Variants in EDIL3 observed in about 807,000 individuals in gnomAD.
EDIL3 encodes EGF like and discoidin domains 3.
Under a neutral mutation model 67.4 loss-of-function variants are expected in EDIL3, and 37 were observed. The observed-to-expected ratio is 0.55, with a 90% CI of 0.42 to 0.72. The LOEUF (loss-of-function observed/expected upper bound fraction) is 0.72, where lower values mean the gene tolerates loss of function less well. Among genes scored for constraint, EDIL3 ranks in the 30% least tolerant of loss-of-function variants. The pLI is 0.00. For missense variants in EDIL3, 527 were observed against 586.3 expected (o/e 0.90, Z 1.04); for synonymous variants, 195 against 196.3 (o/e 0.99, Z 0.05).
At chr5:84,261,360 A>G in intron 1 of EDIL3, among the ~76,000 whole-genome samples, 1 of 152,186 alleles carries the variant, frequency 6.6e-6, no homozygotes, top group East Asian at 1.9e-4. Context: ...GTGCCTCTTT[A>G]GAGACCATTT....
intron 9 of EDIL3, among the ~76,000 whole-genome samples, chr5:84,010,525 T>A (rs550295197): frequency 4.6e-5 from 7 of 152,294 alleles, no homozygotes; most frequent in East Asian, 3.9e-4. Flanking sequence ...TCCAATTTTT[T>A]AATATTTAGT....
chr5:84,224,905 G>T (rs911765490), intron 3 of EDIL3, among the ~76,000 whole-genome samples: 3 of 151,280 alleles, frequency 2.0e-5, no homozygotes, highest in Non-Finnish European at 3.0e-5. Flanking sequence ...TTCATTTTGG[G>T]GTACAGTATC....
intron 1 of EDIL3, among the ~76,000 whole-genome samples, chr5:84,258,224 A>G (rs1745157828): frequency 6.6e-6 from 1 of 152,216 alleles, no homozygotes; most frequent in African/African-American, 2.4e-5. Flanking sequence ...AGAGCGTAAC[A>G]AGTTTATTGA....
intron 1 of EDIL3, among the ~76,000 whole-genome samples, chr5:84,339,604 T>TAAGA (rs1554043164): frequency 6.6e-6 from 1 of 151,422 alleles, no homozygotes; most frequent in Non-Finnish European, 1.5e-5. Context: ...TAAAATACTG[T>TAAGA]GTTTTTTTTT....
At chr5:84,361,103 G>C (rs192236460) in intron 1 of EDIL3, among the ~76,000 whole-genome samples, 1 of 151,840 alleles carries the variant, frequency 6.6e-6, no homozygotes, top group Non-Finnish European at 1.5e-5. Flanking sequence ...GCAAGTGAGC[G>C]TTAATAAAAA....
chr5:84,192,961 T>C (rs1488952188), intron 3 of EDIL3, among the ~76,000 whole-genome samples: 1 of 151,868 alleles, frequency 6.6e-6, no homozygotes, highest in Non-Finnish European at 1.5e-5. Context: ...AATGAGTATT[T>C]CATTTGTAGG....
intron 10 of EDIL3, among the ~76,000 whole-genome samples, chr5:83,946,469 T>C (rs1177835483): frequency 6.6e-6 from 1 of 151,888 alleles, no homozygotes; most frequent in Non-Finnish European, 1.5e-5. Flanking sequence ...TACAACTCCC[T>C]CAATGTAGCT....
At position 84,384,329 on chromosome 5, in the gene EDIL3, C is replaced by T; in HGVS notation, c.46G>A (p.Gly16Ser). The T allele has an allele frequency of 6.2e-7, 1 of 1,611,812 alleles. No homozygotes were observed. Among genetic ancestry groups the T allele is most frequent in the Non-Finnish European group, 8.5e-7 (1 of 1,179,084 alleles). Residue 16 changes from glycine to serine, a missense_variant, in exon 1 of 11, where the codon GGT becomes AGT. Around this residue, in one of 2 missense-constraint regions of EDIL3, gnomAD observed 494 missense variants for 522.5 expected, o/e 0.95. Coordinates refer to ENST00000296591, the MANE Select transcript of EDIL3 (RefSeq NM_005711.5). ...AVWLLVGLSL[G>S]VPQFGKGDIC... is the part of the protein sequence containing the mutation. ...TTACCTTTGCCGAACTGGGGGACAC[C>T]GAGGCTGAGCCCGACCAAGAGCCAG...
chr5:84,338,735 T>A (rs892986326), intron 1 of EDIL3, among the ~76,000 whole-genome samples: 2 of 152,144 alleles, frequency 1.3e-5, no homozygotes. Context: ...CATCATACAA[T>A]CCACTGAAAC....
intron 5 of EDIL3, among the ~76,000 whole-genome samples, chr5:84,136,109 C>T (rs902733705): frequency 1.3e-5 from 2 of 152,084 alleles, no homozygotes; most frequent in African/African-American, 4.8e-5. Flanking sequence ...CATGTATATT[C>T]ATGTTTATAT....
chr5:84,277,897 T>C (rs923246645), intron 1 of EDIL3, among the ~76,000 whole-genome samples: 3 of 152,176 alleles, frequency 2.0e-5, no homozygotes, highest in Non-Finnish European at 4.4e-5. Context: ...GAAGGTCCTT[T>C]TACCGTAGTA....
chr5:84,217,770 C>T (rs1561224831), intron 3 of EDIL3, among the ~76,000 whole-genome samples: 1 of 133,538 alleles, frequency 7.5e-6, no homozygotes, highest in Non-Finnish European at 1.7e-5. Context: ...ACACATCCTT[C>T]TGGTTCTGTT....
intron 1 of EDIL3, among the ~76,000 whole-genome samples, chr5:84,255,239 A>G (rs1745103725): frequency 2.0e-5 from 3 of 152,224 alleles, no homozygotes; most frequent in East Asian, 3.8e-4. Context: ...AATGCCAGAA[A>G]GACATGGCCC....
intron 9 of EDIL3, among the ~76,000 whole-genome samples, chr5:83,975,435 TA>T (rs1198280952): frequency 6.6e-6 from 1 of 151,958 alleles, no homozygotes; most frequent in African/African-American, 2.4e-5. Flanking sequence ...ATATTAAACT[TA>T]TTTTTTTGCA....
chr5:83,946,682 G>A (rs1744317488), intron 10 of EDIL3, among the ~76,000 whole-genome samples: 1 of 151,856 alleles, frequency 6.6e-6, no homozygotes, highest in Non-Finnish European at 1.5e-5. Flanking sequence ...ATTCAGGCCG[G>A]TATAGACATC....
chr5:84,046,884 G>A (rs547755278), intron 9 of EDIL3, among the ~76,000 whole-genome samples: 5 of 152,076 alleles, frequency 3.3e-5, no homozygotes, highest in Non-Finnish European at 1.5e-5. Context: ...GTTTTTCAAT[G>A]GTTTCAATAC....
chr5:84,327,332 T>A (rs1324194112), intron 1 of EDIL3, among the ~76,000 whole-genome samples: 1 of 151,932 alleles, frequency 6.6e-6, no homozygotes, highest in Non-Finnish European at 1.5e-5. Context: ...TAAAAAAAAA[T>A]TTGATTGGTA....
chr5:84,319,192 G>A (rs1580075538), intron 1 of EDIL3, among the ~76,000 whole-genome samples: 1 of 55,544 alleles, frequency 1.8e-5, no homozygotes, highest in Admixed American at 1.5e-4. Context: ...GGAATGCTTG[G>A]CCGGGCGCGG....
chr5:84,319,108 A>C (rs1427706100), intron 1 of EDIL3, among the ~76,000 whole-genome samples: 1 of 152,094 alleles, frequency 6.6e-6, no homozygotes, highest in African/African-American at 2.4e-5. Flanking sequence ...ATGAGATACT[A>C]TCTCACACCA....
Sources: gnomAD v4.1 joint callset for allele counts (sites outside exome capture counted in the v4.1 genomes callset) on GRCh38, gnomAD v4.1.1 for gene constraint, gnomAD v4.1.1 regional missense constraint, MANE v1.5 for transcripts, NCBI Gene and HGNC (gene_info 2026-07-23, HGNC 2026-07-21) for gene names.